PRKG1: variants seen among roughly 807,000 people sequenced by gnomAD.
The protein encoded by PRKG1 is protein kinase cGMP-dependent 1, also known as cGMP-dependent protein kinase 1.
A neutral mutation model predicts 88.1 loss-of-function variants in PRKG1; 35 were observed. The observed-to-expected ratio is 0.40, with a 90% confidence interval of 0.30 to 0.53. PRKG1 has a LOEUF of 0.53. Among genes scored for constraint, PRKG1 ranks in the 20% least tolerant of loss-of-function variants. PRKG1 has a pLI of 0.59. For missense variants in PRKG1, 540 were observed against 839.8 expected, an observed-to-expected ratio of 0.64 and a Z score of 4.41; for synonymous variants, 303 against 292.5, an observed-to-expected ratio of 1.04 and a Z score of -0.37.
intron 2 of PRKG1, among the ~76,000 whole-genome samples, chr10:51,185,000 C>G (rs1216349449): frequency 5.3e-5 from 8 of 152,150 alleles, no homozygotes; most frequent in Non-Finnish European, 1.0e-4. Flanking sequence ...AGGTTATTAA[C>G]TTTACAGGAC....
chr10:51,437,777 C>G (rs1838978712), intron 2 of PRKG1, among the ~76,000 whole-genome samples: 1 of 150,582 alleles, frequency 6.6e-6, no homozygotes, highest in African/African-American at 2.4e-5. Flanking sequence ...TGCCTCTTCA[C>G]AGGAAACATT....
At chr10:52,173,867 A>G (rs141049837) in intron 9 of PRKG1, among the ~76,000 whole-genome samples, 121 of 152,284 alleles carry the variant, frequency 7.9e-4, no homozygotes, top group Admixed American at 2.7e-3. Flanking sequence ...GCTTCTTAAA[A>G]TGATGAATTT....
chr10:51,354,502 A>G (rs912216074), intron 2 of PRKG1, among the ~76,000 whole-genome samples: 3 of 152,152 alleles, frequency 2.0e-5, no homozygotes, highest in African/African-American at 2.4e-5. Context: ...TTATCAATAA[A>G]TTGAGATTTA....
chr10:51,325,388 G>A (rs769495319), intron 2 of PRKG1, among the ~76,000 whole-genome samples: 14 of 151,994 alleles, frequency 9.2e-5, no homozygotes, highest in Admixed American at 2.0e-4. Context: ...TAGTAGAGAC[G>A]CAGTTTCACC....
At chr10:51,846,264 C>T (rs1243476927) in intron 4 of PRKG1, among the ~76,000 whole-genome samples, 1 of 152,150 alleles carries the variant, frequency 6.6e-6, no homozygotes, top group Admixed American at 6.6e-5. Flanking sequence ...TGTTTTGCTT[C>T]TGTTTTTGCT....
At chr10:51,825,380 G>T (rs535833401) in intron 4 of PRKG1, among the ~76,000 whole-genome samples, 3 of 152,230 alleles carry the variant, frequency 2.0e-5, no homozygotes, top group Admixed American at 2.0e-4. Context: ...AGAGCAAAAA[G>T]ATCATAATAT....
chr10:51,671,752 AATTTTTTGT>A (rs1473041362), intron 3 of PRKG1, among the ~76,000 whole-genome samples: 1 of 151,956 alleles, frequency 6.6e-6, no homozygotes, highest in African/African-American at 2.4e-5. Flanking sequence ...ATGCCCAGCT[AATTTTTTGT>A]ATTTTTTGTA....
At chr10:51,734,707 G>A (rs943867449) in intron 3 of PRKG1, among the ~76,000 whole-genome samples, 9 of 152,116 alleles carry the variant, frequency 5.9e-5, no homozygotes, top group Admixed American at 6.6e-5. Flanking sequence ...AATCCAAGAG[G>A]TATGGAAACA....
chr10:52,086,934 C>G (rs967985711), intron 7 of PRKG1, among the ~76,000 whole-genome samples: 2 of 151,994 alleles, frequency 1.3e-5, no homozygotes, highest in Non-Finnish European at 2.9e-5. Context: ...GGAGAAGTGC[C>G]GAGTAAAAGG....
intron 5 of PRKG1, among the ~76,000 whole-genome samples, chr10:51,967,046 C>T (rs1388441295): frequency 6.6e-6 from 1 of 152,098 alleles, no homozygotes; most frequent in Non-Finnish European, 1.5e-5. Context: ...TTGACCCAGC[C>T]ATCCAATTAC....
chr10:51,773,776 C>T lies in PRKG1; in HGVS notation c.593-30809C>T, dbSNP rs1838365475. Among the ~76,000 whole-genome samples the T allele has an allele frequency of 2.0e-5, 3 of 152,088 alleles. No individual in the cohort carries two copies. In the South Asian group the frequency reaches 6.2e-4, roughly 32 times the overall value. On this transcript the variant is annotated intron_variant, in intron 3 of 17. Transcript: ENST00000373980. ...ATTCTCACATTGAAATATTATTACA[C>T]TCCTCTTTTACATTTGATGCTTTAA... is the stretch of plus-strand genomic sequence containing the variant.
At chr10:52,148,426 G>A (rs1476031344) in intron 8 of PRKG1, among the ~76,000 whole-genome samples, 1 of 152,110 alleles carries the variant, frequency 6.6e-6, no homozygotes, top group African/African-American at 2.4e-5. Flanking sequence ...TAGAGATGTT[G>A]TGAGGTTTCA....
intron 5 of PRKG1, among the ~76,000 whole-genome samples, chr10:51,980,829 G>A (rs185503382): frequency 1.3e-5 from 2 of 152,054 alleles, no homozygotes; most frequent in African/African-American, 4.8e-5. Context: ...TCTTCCATTT[G>A]CTTGCTAGAT....
chr10:51,309,954 G>C (rs1379026440), intron 2 of PRKG1, among the ~76,000 whole-genome samples: 2 of 152,136 alleles, frequency 1.3e-5, no homozygotes, highest in Non-Finnish European at 2.9e-5. Context: ...CAACTACATG[G>C]ATGGAACTGG....
chr10:51,887,242 C>T lies in PRKG1; in HGVS notation c.699-20265C>T, dbSNP rs933372128. Among the ~76,000 whole-genome samples, 3 of 152,284 alleles carry T rather than the reference C, an allele frequency of 2.0e-5. 1 individual carries two copies. Among genetic ancestry groups the T allele is most frequent in the Admixed American group, 2.0e-4 (3 of 15,302 alleles). On this transcript the variant is annotated intron_variant, in intron 4 of 17. Transcript: ENST00000373980. ...TCAAGTGATCTCCCTGTCTCAGCCTCCCAAAGTGCTGAAATTACAGGTGTG... is the reference window on the plus strand; with the variant it reads ...TCAAGTGATCTCCCTGTCTCAGCCTTCCAAAGTGCTGAAATTACAGGTGTG...
chr10:51,352,244 T>A (rs1257865715), intron 2 of PRKG1, among the ~76,000 whole-genome samples: 1 of 146,168 alleles, frequency 6.8e-6, no homozygotes, highest in Non-Finnish European at 1.5e-5. Context: ...TTTGGTTCCA[T>A]ATGGAATTTA....
At chr10:51,521,430 G>A (rs1406414242) in intron 3 of PRKG1, among the ~76,000 whole-genome samples, 1 of 152,172 alleles carries the variant, frequency 6.6e-6, no homozygotes, top group Non-Finnish European at 1.5e-5. Context: ...TTATATGAAA[G>A]GTGAAGGCTG....
At chr10:51,136,008 C>T (rs1216606381) in intron 1 of PRKG1, among the ~76,000 whole-genome samples, 2 of 150,306 alleles carry the variant, frequency 1.3e-5, no homozygotes, top group Non-Finnish European at 3.0e-5. Context: ...AGGAGATATA[C>T]CTAATGCTAA....
At chr10:51,292,394 G>A (rs1213026740) in intron 2 of PRKG1, among the ~76,000 whole-genome samples, 2 of 152,072 alleles carry the variant, frequency 1.3e-5, no homozygotes, top group Non-Finnish European at 2.9e-5. Flanking sequence ...GATTTTTTAG[G>A]ACAAGTGACA....
Sources: allele counts gnomAD v4.1 joint callset (sites outside exome capture counted in the v4.1 genomes callset), GRCh38; gene constraint gnomAD v4.1.1; transcripts MANE v1.5; gene names NCBI Gene and HGNC (gene_info 2026-07-23, HGNC 2026-07-21).